ZNF85: variants seen among roughly 807,000 people sequenced by gnomAD.
ZNF85 encodes zinc finger protein 85, also known as zinc finger protein 85 (HPF4, HTF1).
In ZNF85, 50 loss-of-function variants were observed where a neutral mutation model predicts 53.9. That is an observed-to-expected ratio of 0.93 (90% confidence interval 0.74 to 1.17). The LOEUF (loss-of-function observed/expected upper bound fraction) is 1.17. ZNF85 is among the 50% of genes most tolerant of loss of function. The pLI, the probability that ZNF85 is intolerant of heterozygous loss-of-function variation, is 0.00. For synonymous variants in ZNF85, 225 were observed against 226.1 expected, an observed-to-expected ratio of 1.00 and a Z score of 0.04; for missense variants, 747 against 688.5, an observed-to-expected ratio of 1.08 and a Z score of -0.95.
chr19:20,935,473 G>T (rs113748859), intron 3 of ZNF85, among the ~76,000 whole-genome samples: 1 of 151,938 alleles, frequency 6.6e-6, no homozygotes, highest in Non-Finnish European at 1.5e-5. Flanking sequence ...TTTTTTGTTT[G>T]TTTTTCTGCA....
intron 1 of ZNF85, among the ~76,000 whole-genome samples, chr19:20,933,648 C>A (rs896419195): frequency 6.6e-6 from 1 of 152,152 alleles, no homozygotes; most frequent in African/African-American, 2.4e-5. Flanking sequence ...CTCAACCTGT[C>A]TTTTCCATCT....
Position 20,923,383 on chromosome 19 carries a change from C to G in ZNF85, c.-18C>G. 1.2e-6 allele frequency: 2 copies of G among 1,614,056 alleles called. No homozygotes were observed. Among genetic ancestry groups the G allele is most frequent in the Non-Finnish European group, 8.5e-7 (1 of 1,179,962 alleles). On this transcript the variant is annotated 5_prime_UTR_variant, in exon 1 of 4. Transcript: ENST00000328178. ...GAGATCCACAGCTAAGACGCCGGGACCCCCTGGAAGCCTAGAAATGGTGAG... is the reference window on the plus strand; with the variant it reads ...GAGATCCACAGCTAAGACGCCGGGAGCCCCTGGAAGCCTAGAAATGGTGAG...
intron 3 of ZNF85, among the ~76,000 whole-genome samples, chr19:20,947,709 G>C (rs12611073): frequency 2.0e-5 from 3 of 150,666 alleles, no homozygotes; most frequent in South Asian, 2.1e-4. Context: ...ATATCTTTGT[G>C]TGTATTCTAG....
intron 1 of ZNF85, among the ~76,000 whole-genome samples, chr19:20,923,678 A>G (rs1972812760): frequency 6.6e-6 from 1 of 151,324 alleles, no homozygotes; most frequent in Admixed American, 6.6e-5. Flanking sequence ...TCTCTCCCAG[A>G]TTGAGCAGGG....
At chr19:20,946,297 C>A in intron 3 of ZNF85, 2 of 405,472 alleles carry the variant, frequency 4.9e-6, no homozygotes, top group Non-Finnish European at 9.6e-6. Context: ...TTTGTCCTAA[C>A]AGGTTGTCTA....
Position 20,938,866 on chromosome 19 carries a change from GTGTGTGTGTGTA to G in ZNF85, c.229+3821_229+3832del, listed in dbSNP as rs1380889843. ...TTCTGCTATATGTGTGTGTGTGTGTGTGTGTGTGTGTATATATATGTGTGTGTGTGTGTGTGT... is the reference window on the plus strand; with the variant it reads ...TTCTGCTATATGTGTGTGTGTGTGTGTATATATGTGTGTGTGTGTGTGTGT... On this transcript the variant is annotated intron_variant, in intron 3 of 3. Coordinates refer to ENST00000328178, the MANE Select transcript of ZNF85 (RefSeq NM_003429.5). Among the ~76,000 whole-genome samples, 207 of 141,478 alleles carry G rather than the reference GTGTGTGTGTGTA, an allele frequency of 1.5e-3. 1 individual carries two copies. The East Asian group carries it at 0.015, about 11-fold the overall frequency. The allele number at this position is 141,478 out of a possible 152,430, so 92.8% of individuals were successfully genotyped here. A position where few individuals can be genotyped will look rare whatever the true frequency, so the allele number is the denominator to read the frequency against.
intron 1 of ZNF85, 83 bp downstream of exon 1, chr19:20,923,486 T>C: frequency 1.9e-6 from 3 of 1,603,100 alleles, no homozygotes; most frequent in Admixed American, 1.7e-5. Context: ...GACTCAGGCC[T>C]CCCTGTAGTC....
chr19:20,949,119 A>G lies in ZNF85; in HGVS notation c.605A>G (p.Tyr202Cys). 3 of 1,613,566 alleles carry G rather than the reference A, an allele frequency of 1.9e-6. No homozygotes were observed. Among genetic ancestry groups the G allele is most frequent in the East Asian group, 4.5e-5 (2 of 44,854 alleles). Reference sequence around the variant, plus strand: ...AGAATTCATACTAGAGTAAATTTCTACAAATGTGAAGAATGTGGAAAAGCC... The same window carrying G: ...AGAATTCATACTAGAGTAAATTTCTGCAAATGTGAAGAATGTGGAAAAGCC... ...HSRIHTRVNF[Y>C]KCEECGKAFN... Residue 202 changes from tyrosine to cysteine, a missense_variant, in exon 4 of 4, where the codon TAC becomes TGC. By Grantham distance (194) the Tyr-to-Cys change is radical. Coordinates refer to ENST00000328178, the MANE Select transcript of ZNF85 (RefSeq NM_003429.5).
In ZNF85 at chr19:20,949,004, C is replaced by G. The variant is rs780163137; in HGVS notation, c.490C>G (p.His164Asp). ...TCATAAATTTTCAAATTCAAACAGA[C>G]ATGAGATAAGACATACTAAAAAGAA... is the stretch of plus-strand genomic sequence containing the variant. ...VAHKFSNSNR[H>D]EIRHTKKKPF... is the part of the protein sequence containing the mutation. The change falls in exon 4 of 4, where the codon CAT (histidine) becomes GAT (aspartate). Residue 164 changes from histidine to aspartate, a missense_variant. Coordinates refer to ENST00000328178, the MANE Select transcript of ZNF85 (RefSeq NM_003429.5). 3.1e-6 allele frequency: 5 copies of G among 1,613,604 alleles called. No individual in the cohort carries two copies. Among genetic ancestry groups the G allele is most frequent in the Non-Finnish European group, 4.2e-6 (5 of 1,179,734 alleles).
intron 1 of ZNF85, among the ~76,000 whole-genome samples, chr19:20,924,705 C>T (rs1972839886): frequency 6.6e-6 from 1 of 152,172 alleles, no homozygotes; most frequent in Admixed American, 6.5e-5. Context: ...ATTAATAATT[C>T]TTCCACAAAA....
intron 1 of ZNF85, chr19:20,927,496 G>A (rs1972907394): frequency 6.9e-6 from 1 of 144,640 alleles, no homozygotes; most frequent in African/African-American, 2.5e-5. Context: ...GACAAATTCA[G>A]CTCATTTTTT....
At chr19:20,942,543 G>A (rs1238888922) in intron 3 of ZNF85, among the ~76,000 whole-genome samples, 1 of 151,724 alleles carries the variant, frequency 6.6e-6, no homozygotes, top group East Asian at 1.9e-4. Flanking sequence ...GTAAAAATAT[G>A]TGGTATTGGG....
chr19:20,930,301 C>T (rs376386518), intron 1 of ZNF85, among the ~76,000 whole-genome samples: 7 of 152,172 alleles, frequency 4.6e-5, no homozygotes, highest in African/African-American at 1.7e-4. Context: ...CAGAAACATT[C>T]TATTTAACAA....
Position 20,923,345 on chromosome 19 carries a change from C to A in ZNF85, c.-56C>A. 1.9e-6 allele frequency: 3 copies of A among 1,613,680 alleles called. No homozygotes were observed. The highest frequency in any genetic ancestry group is 1.3e-5 in the African/African-American group (1 of 75,040). On this transcript the variant is annotated 5_prime_UTR_variant, in exon 1 of 4. It adds an upstream start codon to the 5' untranslated region. Transcript: ENST00000328178. ...CGCCCAGCCTCTGTGGCCCTGTGGC[C>A]TGCAGGTATTGGGAGATCCACAGCT... is the stretch of plus-strand genomic sequence containing the variant.
chr19:20,933,029 CAAA>C (rs59744700), intron 1 of ZNF85, among the ~76,000 whole-genome samples: 2 of 138,634 alleles, frequency 1.4e-5, no homozygotes, highest in Admixed American at 7.4e-5. Flanking sequence ...ACTAAAAATA[CAAA>C]AAAAAAAAAA....
chr19:20,933,213 T>A (rs903751467), intron 1 of ZNF85, among the ~76,000 whole-genome samples: 9 of 150,118 alleles, frequency 6.0e-5, no homozygotes, highest in African/African-American at 2.0e-4. Flanking sequence ...AAAAAAAAAA[T>A]TTGTCCTAGT....
At chr19:20,937,368 ATCT>A (rs759892083) in intron 3 of ZNF85, 10 of 456,226 alleles carry the variant, frequency 2.2e-5, no homozygotes, top group African/African-American at 1.8e-4. Flanking sequence ...GAAGGTAAAG[ATCT>A]TCTGTTGGGC....
At position 20,949,814 on chromosome 19, in the gene ZNF85, G is replaced by T. The variant is rs1223629997; in HGVS notation, c.1300G>T (p.Ala434Ser). 1 of 1,612,018 alleles carries T rather than the reference G, an allele frequency of 6.2e-7. No homozygotes were observed. The highest frequency in any genetic ancestry group is 8.5e-7 in the Non-Finnish European group (1 of 1,179,048). Residue 434 changes from alanine (A) to serine (S), a missense_variant, in exon 4 of 4, where the codon GCT (alanine) becomes TCT (serine). Transcript: ENST00000328178. ...TTACAAATGTAAAGAATGTGAAAAA[G>T]CTTTTAACCAATCCTCAAAACTTAC... ...KPYKCKECEKAFNQSSKLTEH... is the reference protein window; with the variant it reads ...KPYKCKECEKSFNQSSKLTEH...
chr19:20,946,570 GCACACA>G (rs74172383), intron 3 of ZNF85, among the ~76,000 whole-genome samples: 1 of 145,086 alleles, frequency 6.9e-6, no homozygotes, highest in Admixed American at 6.9e-5. Context: ...ATATACACAT[GCACACA>G]CACACACACA....
Sources: allele counts gnomAD v4.1 joint callset (sites outside exome capture counted in the v4.1 genomes callset), GRCh38; gene constraint gnomAD v4.1.1; transcripts MANE v1.5; gene names NCBI Gene and HGNC (gene_info 2026-07-23, HGNC 2026-07-21).